NEDD4: variants seen among roughly 807,000 people sequenced by gnomAD.
NEDD4 encodes the protein NEDD4 E3 ubiquitin protein ligase.
In NEDD4, 99 loss-of-function variants were observed where a neutral mutation model predicts 144.9. The ratio of observed to expected loss-of-function variants is 0.68; its 90% CI spans 0.58 to 0.81. NEDD4 has a LOEUF of 0.81. NEDD4 is among the 30% of genes least tolerant of loss of function. The pLI, the probability that NEDD4 is intolerant of heterozygous loss-of-function variation, is 0.00. For missense variants in NEDD4, 985 were observed against 1,065.9 expected (o/e 0.92, Z 1.06); for synonymous variants, 318 against 350.6 (o/e 0.91, Z 1.04).
intron 2 of NEDD4, among the ~76,000 whole-genome samples, chr15:55,962,848 G>A (rs952658061): frequency 1.4e-5 from 2 of 147,346 alleles, no homozygotes; most frequent in Admixed American, 1.4e-4. Context: ...GTGCAATGGT[G>A]TGATCTCAGC....
chr15:55,927,998 T>A (rs1438911908), intron 4 of NEDD4, among the ~76,000 whole-genome samples: 1 of 152,154 alleles, frequency 6.6e-6, no homozygotes, highest in Non-Finnish European at 1.5e-5. Flanking sequence ...TAATAGCTTA[T>A]AACAGGATTC....
rs1457141753 is a variant in NEDD4, at chr15:55,829,436, TTC to T, written c.*459_*460del. On this transcript the variant is annotated 3_prime_UTR_variant, in exon 29 of 29. Coordinates refer to ENST00000435532, the MANE Select transcript of NEDD4 (RefSeq NM_006154.4). The stretch of plus-strand genomic sequence containing the variant: ...TGTAGTTTACTCAATAGTAAAGTAT[TTC>T]TTTTTCCAAATTTCAGTTTTCCATC... 2 of 155,074 alleles carry T rather than the reference TTC, an allele frequency of 1.3e-5. No homozygotes were observed. Among genetic ancestry groups the T allele is most frequent in the African/African-American group, 4.8e-5 (2 of 41,464 alleles). The allele number at this position is 155,074 out of a possible 1,614,324, so 9.6% of individuals were successfully genotyped here.
At chr15:55,972,802 T>C (rs1249484735) in intron 1 of NEDD4, among the ~76,000 whole-genome samples, 1 of 151,904 alleles carries the variant, frequency 6.6e-6, no homozygotes, top group Admixed American at 6.6e-5. Context: ...CAGAAAATAT[T>C]CCATGCCAAT....
In NEDD4 at chr15:55,859,542, C is replaced by A. The variant is rs1566915146; in HGVS notation, c.960+865G>T. Among the ~76,000 whole-genome samples the A allele has an allele frequency of 2.6e-5, 4 of 152,180 alleles. No homozygotes were observed. The South Asian group carries it at 8.3e-4, about 32-fold the overall frequency. ...AACTCCTCCATCTCTACTAAAAATA[C>A]AAAAATTAGCTGGGCGTGGTGGTGT... On this transcript the variant is annotated intron_variant, in intron 11 of 28. Coordinates refer to ENST00000435532, the MANE Select transcript of NEDD4 (RefSeq NM_006154.4).
rs374273351 is a variant in NEDD4, at chr15:55,829,643, TGTG to T, written c.*251_*253del. 2.8e-6 allele frequency: 1 copy of T among 363,454 alleles called. No homozygotes were observed. The highest frequency in any genetic ancestry group is 2.1e-5 in the African/African-American group (1 of 48,136). The allele number at this position is 363,454 out of a possible 1,614,324, so 22.5% of individuals were successfully genotyped here. On this transcript the variant is annotated 3_prime_UTR_variant, in exon 29 of 29. Coordinates refer to ENST00000435532, the MANE Select transcript of NEDD4 (RefSeq NM_006154.4). ...CTATTGTGTGAACTCTAAAGCCAGG[TGTG>T]GTGGTGCCTGGCTTTAGGCAGGCAC...
chr15:55,975,517 C>G (rs55726785), intron 1 of NEDD4, among the ~76,000 whole-genome samples: 22,622 of 151,884 alleles, frequency 0.15, 1,827 homozygotes, highest in East Asian at 0.32. Context: ...AAGAATGTAA[C>G]TCCCAGTTAC....
chr15:55,974,681 C>T (rs1457241216), intron 1 of NEDD4, among the ~76,000 whole-genome samples: 1 of 151,396 alleles, frequency 6.6e-6, no homozygotes, highest in African/African-American at 2.4e-5. Flanking sequence ...ATCATTTCAA[C>T]TGATGCTGAA....
rs139163169 is a variant in NEDD4 at position 55,916,562 on chromosome 15, T to G, written c.291+8084A>C. 1.1e-5 allele frequency: 18 copies of G among 1,614,002 alleles called. No individual in the cohort carries two copies. In the African/African-American group the frequency reaches 2.3e-4, roughly 20 times the overall value. On this transcript the variant is annotated intron_variant, in intron 5 of 28. Coordinates refer to ENST00000435532, the MANE Select transcript of NEDD4 (RefSeq NM_006154.4). Reference sequence around the variant, plus strand: ...ATCCACTGTACCTTGTTGGCTGTAGTGAAATCTGTAGACAGCTGCTCTTTT... The same window carrying G: ...ATCCACTGTACCTTGTTGGCTGTAGGGAAATCTGTAGACAGCTGCTCTTTT...
chr15:55,884,602 AAAAT>A (rs1478654922), intron 5 of NEDD4, among the ~76,000 whole-genome samples: 2 of 152,256 alleles, frequency 1.3e-5, no homozygotes, highest in African/African-American at 4.8e-5. Context: ...AAAAGAGATT[AAAAT>A]AATTAAAAAG....
chr15:55,905,540 A>G (rs1169382853), intron 5 of NEDD4, among the ~76,000 whole-genome samples: 1 of 152,232 alleles, frequency 6.6e-6, no homozygotes, highest in Non-Finnish European at 1.5e-5. Flanking sequence ...AACCAGAGAC[A>G]ACATAGGACC....
intron 2 of NEDD4, among the ~76,000 whole-genome samples, chr15:55,960,674 A>G (rs139462920): frequency 3.5e-5 from 4 of 114,162 alleles, no homozygotes; most frequent in African/African-American, 9.7e-5. Flanking sequence ...ATATATATCT[A>G]TCCTATTAGT....
intron 23 of NEDD4, 111 bp from the exon 24 acceptor site, chr15:55,837,960 G>A (rs931960736): frequency 4.3e-6 from 4 of 930,282 alleles, no homozygotes; most frequent in East Asian, 2.6e-5. Context: ...GGTAAAAGCT[G>A]AATATGAGTG....
At chr15:55,985,760 T>TACACACACAC (rs3049246) in intron 1 of NEDD4, among the ~76,000 whole-genome samples, 7 of 148,436 alleles carry the variant, frequency 4.7e-5, no homozygotes, top group African/African-American at 1.7e-4. Flanking sequence ...AGAGTACACA[T>TACACACACAC]ACACACACAC....
chr15:55,983,295 T>C (rs1341549189), intron 1 of NEDD4, among the ~76,000 whole-genome samples: 3 of 147,334 alleles, frequency 2.0e-5, no homozygotes, highest in African/African-American at 7.5e-5. Flanking sequence ...GGTGTGTGTG[T>C]GTGTGCGTGC....
chr15:55,966,320 A>G (rs770123726), intron 2 of NEDD4, among the ~76,000 whole-genome samples, 153 bp downstream of exon 2: 3 of 152,250 alleles, frequency 2.0e-5, no homozygotes, highest in African/African-American at 4.8e-5. Flanking sequence ...TCAGATACCA[A>G]GAGATTTAGT....
chr15:55,854,653 A>C (rs1276245469), intron 12 of NEDD4, among the ~76,000 whole-genome samples: 1 of 152,130 alleles, frequency 6.6e-6, no homozygotes, highest in African/African-American at 2.4e-5. Context: ...GGGGTGACAG[A>C]AGTTTCTTAA....
At chr15:55,936,084 A>T (rs1431666139) in intron 4 of NEDD4, among the ~76,000 whole-genome samples, 1 of 152,120 alleles carries the variant, frequency 6.6e-6, no homozygotes, top group Non-Finnish European at 1.5e-5. Context: ...TTTCATTGCT[A>T]CTTCAAGTCT....
chr15:55,857,945 A>T (rs1037992313), intron 11 of NEDD4, among the ~76,000 whole-genome samples: 3 of 152,214 alleles, frequency 2.0e-5, no homozygotes, highest in Admixed American at 6.5e-5. Context: ...ATCTCAAAAA[A>T]ACAAAAGGTA....
Position 55,973,992 on chromosome 15 carries a change from T to C in NEDD4, c.46-7446A>G, listed in dbSNP as rs527409183. On this transcript the variant is annotated intron_variant, in intron 1 of 28. Transcript: ENST00000435532. ...TACAAAGAATCAACAAAATGAAATG[T>C]TGGTGTTTTGAAAAGATAAACAAAA... 5.3e-5 allele frequency among the ~76,000 whole-genome samples: 8 copies of C among 152,088 alleles called. No individual in the cohort carries two copies. In the East Asian group the frequency reaches 7.7e-4, roughly 15 times the overall value.
Sources: allele counts gnomAD v4.1 joint callset (sites outside exome capture counted in the v4.1 genomes callset), GRCh38; gene constraint gnomAD v4.1.1; transcripts MANE v1.5; gene names NCBI Gene and HGNC (gene_info 2026-07-23, HGNC 2026-07-21).